The following BTF3L4 variants were observed in gnomAD, a reference collection of about 807,000 sequenced individuals.
The protein encoded by BTF3L4 is basic transcription factor 3 like 4, also known as transcription factor BTF3 homolog 4.
In BTF3L4, 6 loss-of-function variants were observed where a neutral mutation model predicts 16.8. The observed-to-expected ratio is 0.36, with a 90% confidence interval of 0.20 to 0.71. The LOEUF is 0.71. Ranked by LOEUF, BTF3L4 falls within the 30% of genes least tolerant of loss-of-function variation. The probability of loss-of-function intolerance (pLI) is 0.58; values close to 1 mark genes in which losing one functional copy is unlikely to be tolerated. For synonymous variants in BTF3L4, 39 were observed against 59.8 expected, an observed-to-expected ratio of 0.65 and a Z score of 1.60; for missense variants, 92 against 186.9, an observed-to-expected ratio of 0.49 and a Z score of 2.96.
At chr1:52,075,261 A>G (rs1038310757) in intron 3 of BTF3L4, among the ~76,000 whole-genome samples, 2 of 151,798 alleles carry the variant, frequency 1.3e-5, no homozygotes, top group African/African-American at 4.8e-5. Flanking sequence ...ATATATAAAT[A>G]TATCTCTCTG....
chr1:52,089,394 CAAAG>C lies in BTF3L4; in HGVS notation c.*2640_*2643del, dbSNP rs1278098848. The C allele has an allele frequency of 1.3e-5, 2 of 152,080 alleles. No individual in the cohort carries two copies. Among genetic ancestry groups the C allele is most frequent in the African/African-American group, 4.8e-5 (2 of 41,398 alleles). 9.4% of individuals were successfully genotyped at this position (152,080 alleles called of 1,614,324 possible). On this transcript the variant is annotated 3_prime_UTR_variant, in exon 6 of 6. Transcript: ENST00000313334. ...CCTGAACAAAGCATATTTAGAGTCT[CAAAG>C]AAATCCTCTCCACAAAGACATGTTC...
chr1:52,083,614 C>T lies in BTF3L4; in HGVS notation c.370+73C>T. 2.5e-6 allele frequency: 3 copies of T among 1,206,944 alleles called. 1 individual carries two copies. The highest frequency in any genetic ancestry group is 1.2e-6 in the Non-Finnish European group (1 of 836,560). The allele number at this position is 1,206,944 out of a possible 1,614,324, so 74.8% of individuals were successfully genotyped here. ...GAACCTAATCATTTAAAAGGTGTCC[C>T]ATCTTAATTTGGATTTGCCTGTATG... is the stretch of plus-strand genomic sequence containing the variant. On this transcript the variant is annotated intron_variant, in intron 4 of 5. Coordinates refer to ENST00000313334, the MANE Select transcript of BTF3L4 (RefSeq NM_152265.5).
At chr1:52,066,532 C>T (rs946694865) in intron 3 of BTF3L4, among the ~76,000 whole-genome samples, 5 of 147,624 alleles carry the variant, frequency 3.4e-5, no homozygotes, top group East Asian at 2.2e-4. Context: ...CCAAAGTTTA[C>T]GCTTTTACTG....
At chr1:52,072,054 T>G (rs1482444215) in intron 3 of BTF3L4, among the ~76,000 whole-genome samples, 1 of 150,924 alleles carries the variant, frequency 6.6e-6, no homozygotes, top group Non-Finnish European at 1.5e-5. Flanking sequence ...GTTTTTTGTT[T>G]GTTTTTTGTT....
At chr1:52,077,269 C>T (rs751984454) in intron 3 of BTF3L4, among the ~76,000 whole-genome samples, 1 of 152,200 alleles carries the variant, frequency 6.6e-6, no homozygotes, top group African/African-American at 2.4e-5. Flanking sequence ...TGGCTGGGCG[C>T]GGTAGCTCCT....
chr1:52,059,778 C>T, intron 1 of BTF3L4, 57 bp from the exon 2 acceptor site: 2 of 1,507,658 alleles, frequency 1.3e-6, no homozygotes, highest in South Asian at 1.1e-5. Context: ...GTTGCATAAA[C>T]AGTTTGTTAA....
intron 3 of BTF3L4, among the ~76,000 whole-genome samples, chr1:52,070,633 CT>C (rs35272382): frequency 0.76 from 76,779 of 101,512 alleles, 29,395 homozygotes; most frequent in Middle Eastern, 0.89. Flanking sequence ...AAATAACCAG[CT>C]TTTTTTTTTT....
At chr1:52,068,717 C>T (rs1478745218) in intron 3 of BTF3L4, among the ~76,000 whole-genome samples, 1 of 152,174 alleles carries the variant, frequency 6.6e-6, no homozygotes, top group African/African-American at 2.4e-5. Flanking sequence ...GTAAGAGGTT[C>T]ACCTGCCTTA....
At chr1:52,059,976 C>A in intron 2 of BTF3L4, 75 bp downstream of exon 2, 1 of 1,357,418 alleles carries the variant, frequency 7.4e-7, no homozygotes, top group South Asian at 1.3e-5. Flanking sequence ...GATTTGTGGT[C>A]ATTGAAAATC....
Position 52,088,607 on chromosome 1 carries a change from C to A in BTF3L4, c.*1849C>A, listed in dbSNP as rs1643992677. On this transcript the variant is annotated 3_prime_UTR_variant, in exon 6 of 6. Transcript: ENST00000313334. ...ATTGTGGAGGCAGAGTTAGGGGGAA[C>A]CACTTCAAGTGGTTAGGGACAGATA... The A allele has an allele frequency of 6.6e-6, 1 of 152,366 alleles. No individual in the cohort carries two copies. Among genetic ancestry groups the A allele is most frequent in the Admixed American group, 6.6e-5 (1 of 15,266 alleles). The allele number at this position is 152,366 out of a possible 1,614,324, so 9.4% of individuals were successfully genotyped here.
At chr1:52,083,583 C>G in intron 4 of BTF3L4, 42 bp downstream of exon 4, 1 of 1,463,606 alleles carries the variant, frequency 6.8e-7, no homozygotes. Context: ...CCCCACCTTA[C>G]TTAAAGAACC....
intron 3 of BTF3L4, among the ~76,000 whole-genome samples, chr1:52,073,013 G>A (rs951202989): frequency 2.0e-5 from 3 of 150,952 alleles, no homozygotes; most frequent in Non-Finnish European, 3.0e-5. Context: ...AGCCAAGATC[G>A]TGCCATTGCA....
intron 3 of BTF3L4, among the ~76,000 whole-genome samples, chr1:52,074,770 A>G (rs1275993728): frequency 6.6e-6 from 1 of 152,144 alleles, no homozygotes; most frequent in Non-Finnish European, 1.5e-5. Flanking sequence ...CAGCTTCCCA[A>G]AGTGCTGAGA....
At chr1:52,076,099 T>C (rs1351865304) in intron 3 of BTF3L4, among the ~76,000 whole-genome samples, 1 of 152,172 alleles carries the variant, frequency 6.6e-6, no homozygotes, top group African/African-American at 2.4e-5. Context: ...ATAAAGAGAA[T>C]TCCTAGCTGG....
rs756661126 is a variant in BTF3L4, at chr1:52,059,926, A to G, written c.54+25A>G. ...GGTGAGTGTGGCATAAGAAAAATTG[A>G]TAGGAGAATGTATGATTACCAGATA... On this transcript the variant is annotated intron_variant, in intron 2 of 5. Coordinates refer to ENST00000313334, the MANE Select transcript of BTF3L4 (RefSeq NM_152265.5). The G allele has an allele frequency of 1.7e-5, 28 of 1,600,282 alleles. No homozygotes were observed. The East Asian group carries it at 4.3e-4, about 24-fold the overall frequency.
intron 2 of BTF3L4, among the ~76,000 whole-genome samples, chr1:52,062,187 C>T (rs1431641438): frequency 6.7e-6 from 1 of 148,350 alleles, no homozygotes; most frequent in Non-Finnish European, 1.5e-5. Context: ...TCGTGATCGC[C>T]CGCCTCGGCC....
chr1:52,060,645 C>T, intron 2 of BTF3L4: 1 of 1,070,790 alleles, frequency 9.3e-7, no homozygotes. Context: ...TAGTACTTAC[C>T]TCAGACCTGA....
rs561550770 is a variant in BTF3L4, at chr1:52,077,912, G to A, written c.169-5428G>A. 4.6e-5 allele frequency among the ~76,000 whole-genome samples: 7 copies of A among 152,242 alleles called. No individual in the cohort carries two copies. The South Asian group carries it at 1.5e-3, about 32-fold the overall frequency. On this transcript the variant is annotated intron_variant, in intron 3 of 5. Coordinates refer to ENST00000313334, the MANE Select transcript of BTF3L4 (RefSeq NM_152265.5). ...CCCCTAATTCTGGAGGGTAGGTTGGGCTGATTCTGAAAGGTCAAAACTATA... is the reference window on the plus strand; with the variant it reads ...CCCCTAATTCTGGAGGGTAGGTTGGACTGATTCTGAAAGGTCAAAACTATA...
chr1:52,059,965 G>C, intron 2 of BTF3L4, 64 bp downstream of exon 2: 3 of 1,439,676 alleles, frequency 2.1e-6, no homozygotes, highest in Non-Finnish European at 2.9e-6. Context: ...TTATTATTTC[G>C]GATTTGTGGT....
Sources: allele counts gnomAD v4.1 joint callset (sites outside exome capture counted in the v4.1 genomes callset), GRCh38; gene constraint gnomAD v4.1.1; transcripts MANE v1.5; gene names NCBI Gene and HGNC (gene_info 2026-07-23, HGNC 2026-07-21).